Variants in MYO16 observed in about 807,000 individuals in gnomAD.
The protein encoded by MYO16 is myosin XVI, also known as unconventional myosin-XVI.
In MYO16, 94 loss-of-function variants were observed where a neutral mutation model predicts 205.3. The observed-to-expected ratio is 0.46, with a 90% CI of 0.39 to 0.54. MYO16 has a LOEUF of 0.54. Ranked by LOEUF, MYO16 falls within the 20% of genes least tolerant of loss-of-function variation. The pLI, the probability that MYO16 is intolerant of heterozygous loss-of-function variation, is 0.00. For missense variants in MYO16, 2,315 were observed against 2,387.5 expected, an observed-to-expected ratio of 0.97 and a Z score of 0.63; for synonymous variants, 988 against 954.0, an observed-to-expected ratio of 1.04 and a Z score of -0.66.
Position 109,008,934 on chromosome 13 carries a change from A to G in MYO16, c.2480A>G (p.Tyr827Cys), listed in dbSNP as rs1423575215. 6.2e-7 allele frequency: 1 copy of G among 1,613,342 alleles called. No homozygotes were observed. The highest frequency in any genetic ancestry group is 1.7e-5 in the Admixed American group (1 of 59,958). ...ATGACCAATGAGAAGATGCACCACTATATCAATGAAGTGCTTTTTCTCCAC... is the reference window on the plus strand; with the variant it reads ...ATGACCAATGAGAAGATGCACCACTGTATCAATGAAGTGCTTTTTCTCCAC... ...VNMTNEKMHH[Y>C]INEVLFLHEQ... is the part of the protein sequence containing the mutation. Residue 827 changes from tyrosine (Y) to cysteine (C), a missense_variant, in exon 22 of 35, where the codon TAT becomes TGT. Physicochemically the swap from Tyr to Cys is radical, Grantham distance 194. Coordinates refer to ENST00000457511, the MANE Select transcript of MYO16 (RefSeq NM_001198950.3).
At chr13:108,652,209 A>C (rs911978642) in intron 1 of MYO16, among the ~76,000 whole-genome samples, 2 of 152,212 alleles carry the variant, frequency 1.3e-5, no homozygotes, top group African/African-American at 4.8e-5. Flanking sequence ...GTGTGTCTAC[A>C]GCACCTGCAT....
At chr13:109,189,631 AC>A (rs1566555918) in intron 34 of MYO16, among the ~76,000 whole-genome samples, 2 of 151,430 alleles carry the variant, frequency 1.3e-5, no homozygotes, top group African/African-American at 4.9e-5. Context: ...GTACATTGAA[AC>A]CCCCCAGGCC....
At chr13:108,607,778 C>T (rs1879015302) in intron 1 of MYO16, among the ~76,000 whole-genome samples, 1 of 152,174 alleles carries the variant, frequency 6.6e-6, no homozygotes, top group South Asian at 2.1e-4. Flanking sequence ...GGACTGAACT[C>T]AATGTGCTCA....
chr13:108,688,030 T>G (rs983970866), intron 2 of MYO16, among the ~76,000 whole-genome samples: 10 of 152,238 alleles, frequency 6.6e-5, no homozygotes, highest in Non-Finnish European at 1.0e-4. Context: ...ACTTTGAGTA[T>G]CTGAAGCATT....
chr13:109,154,064 A>G (rs1444168188), intron 32 of MYO16, among the ~76,000 whole-genome samples: 1 of 152,258 alleles, frequency 6.6e-6, no homozygotes, highest in Non-Finnish European at 1.5e-5. Flanking sequence ...CGCTACGGCT[A>G]TCAAAGACAC....
chr13:109,026,821 A>C (rs540876666), intron 23 of MYO16, among the ~76,000 whole-genome samples: 1 of 152,170 alleles, frequency 6.6e-6, no homozygotes, highest in South Asian at 2.1e-4. Context: ...GCCCTACTCA[A>C]TAATGATTCC....
chr13:108,858,112 G>A (rs969275775), intron 11 of MYO16, among the ~76,000 whole-genome samples: 1 of 152,160 alleles, frequency 6.6e-6, no homozygotes, highest in African/African-American at 2.4e-5. Flanking sequence ...GTTGTCTGTG[G>A]ACTAGTAGAT....
chr13:109,155,230 CG>C (rs1006120202), intron 32 of MYO16, among the ~76,000 whole-genome samples: 2 of 151,926 alleles, frequency 1.3e-5, no homozygotes, highest in African/African-American at 2.4e-5. Flanking sequence ...TTCGACTTGG[CG>C]GGGGGGTGGG....
intron 2 of MYO16, among the ~76,000 whole-genome samples, chr13:108,705,331 CT>C (rs1421431419): frequency 1.3e-5 from 2 of 152,266 alleles, no homozygotes; most frequent in African/African-American, 4.8e-5. Context: ...ACACAGGAGC[CT>C]TTTCTGACCT....
chr13:108,958,237 A>AAT (rs1883456549), intron 17 of MYO16, among the ~76,000 whole-genome samples: 2 of 147,734 alleles, frequency 1.4e-5, no homozygotes, highest in South Asian at 4.2e-4. Context: ...AATATATTTA[A>AAT]ATATATATAA....
chr13:108,935,404 G>A (rs2139300990), intron 16 of MYO16, among the ~76,000 whole-genome samples: 1 of 152,098 alleles, frequency 6.6e-6, no homozygotes, highest in Admixed American at 6.6e-5. Flanking sequence ...CTCTTGATTT[G>A]GCTCTCCGCT....
intron 1 of MYO16, among the ~76,000 whole-genome samples, chr13:108,622,314 A>G (rs1038394378): frequency 2.6e-5 from 4 of 152,218 alleles, no homozygotes; most frequent in Non-Finnish European, 5.9e-5. Flanking sequence ...CTTGTACAGA[A>G]GAACCCTGGG....
chr13:108,868,153 C>A (rs1172431042), intron 12 of MYO16, among the ~76,000 whole-genome samples: 2 of 151,932 alleles, frequency 1.3e-5, no homozygotes, highest in African/African-American at 4.8e-5. Context: ...ATATGTATTT[C>A]TTTTGTTGGA....
chr13:108,898,726 G>A (rs998799070), intron 15 of MYO16, among the ~76,000 whole-genome samples: 5 of 151,806 alleles, frequency 3.3e-5, no homozygotes, highest in East Asian at 3.9e-4. Flanking sequence ...ACACTGTTTC[G>A]TATTTGATTT....
the MYO16 span, among the ~76,000 whole-genome samples, chr13:108,551,030 G>A: frequency 9.2e-5 from 14 of 152,142 alleles, no homozygotes; most frequent in African/African-American, 1.2e-4. Flanking sequence ...TTATGATACC[G>A]AAACAACATT....
At chr13:108,852,227 C>A (rs369012255) in intron 10 of MYO16, among the ~76,000 whole-genome samples, 3 of 152,228 alleles carry the variant, frequency 2.0e-5, no homozygotes, top group Non-Finnish European at 4.4e-5. Context: ...CTTCTCCCCC[C>A]AGCCCCCCAG....
chr13:109,065,176 T>C (rs1887706632), intron 27 of MYO16, among the ~76,000 whole-genome samples: 1 of 152,186 alleles, frequency 6.6e-6, no homozygotes, highest in Non-Finnish European at 1.5e-5. Context: ...CAAGTTTCCA[T>C]GGACAAGGAA....
At chr13:108,599,651 C>A (rs1440042691) in intron 1 of MYO16, among the ~76,000 whole-genome samples, 2 of 142,920 alleles carry the variant, frequency 1.4e-5, no homozygotes, top group Non-Finnish European at 3.1e-5. Flanking sequence ...AGAGCTATCT[C>A]AAATGCATTA....
At chr13:109,195,484 A>T (rs1316886137) in intron 34 of MYO16, among the ~76,000 whole-genome samples, 1 of 152,128 alleles carries the variant, frequency 6.6e-6, no homozygotes, top group East Asian at 1.9e-4. Flanking sequence ...TTTATGCTAT[A>T]TCTTTAGGAT....
Sources: allele counts gnomAD v4.1 joint callset (sites outside exome capture counted in the v4.1 genomes callset), GRCh38; gene constraint gnomAD v4.1.1; transcripts MANE v1.5; gene names NCBI Gene and HGNC (gene_info 2026-07-23, HGNC 2026-07-21).